Variants in SOX6 observed in about 807,000 individuals in gnomAD.
The protein encoded by SOX6 is transcription factor SOX-6.
SOX6 carries 11 observed loss-of-function variants against 97.8 expected under a neutral mutation model. That is an observed-to-expected ratio of 0.11 (90% CI 0.07 to 0.19). The LOEUF (loss-of-function observed/expected upper bound fraction) is 0.19, where lower values mean the gene tolerates loss of function less well. Among genes scored for constraint, SOX6 ranks in the 10% least tolerant of loss-of-function variants. The probability of loss-of-function intolerance (pLI) is 1.00; values close to 1 mark genes in which losing one functional copy is unlikely to be tolerated. For missense variants in SOX6, 810 were observed against 1,039.5 expected, an observed-to-expected ratio of 0.78 and a Z score of 3.04; for synonymous variants, 360 against 371.4, an observed-to-expected ratio of 0.97 and a Z score of 0.35.
At chr11:16,417,758 C>A (rs1224895739) in intron 1 of SOX6, among the ~76,000 whole-genome samples, 3 of 152,088 alleles carry the variant, frequency 2.0e-5, no homozygotes. Context: ...ATTGCTTAAA[C>A]CTTATGCAGA....
intron 3 of SOX6, among the ~76,000 whole-genome samples, chr11:16,674,860 A>C (rs1403188366): frequency 6.6e-6 from 1 of 152,194 alleles, no homozygotes; most frequent in Non-Finnish European, 1.5e-5. Flanking sequence ...CTGAGGCAGG[A>C]GAACTGCTTG....
chr11:16,474,036 A>G (rs1264432847), intron 1 of SOX6, among the ~76,000 whole-genome samples: 1 of 152,202 alleles, frequency 6.6e-6, no homozygotes, highest in African/African-American at 2.4e-5. Flanking sequence ...GGTAGTTTCC[A>G]ACTCAAGAAA....
At chr11:16,172,290 T>G (rs1851060642) in intron 6 of SOX6, among the ~76,000 whole-genome samples, 1 of 152,082 alleles carries the variant, frequency 6.6e-6, no homozygotes, top group African/African-American at 2.4e-5. Flanking sequence ...TTTCCAAAAA[T>G]TATGATATTT....
At chr11:16,286,296 G>A (rs1367572793) in intron 3 of SOX6, among the ~76,000 whole-genome samples, 1 of 152,072 alleles carries the variant, frequency 6.6e-6, no homozygotes, top group African/African-American at 2.4e-5. Flanking sequence ...ATTGCTTAAA[G>A]AGTCTACTGA....
intron 4 of SOX6, among the ~76,000 whole-genome samples, chr11:16,525,241 G>T (rs1490722661): frequency 6.6e-6 from 1 of 152,130 alleles, no homozygotes; most frequent in South Asian, 2.1e-4. Flanking sequence ...ATACTACAAG[G>T]CTACAGTAAC....
At chr11:16,621,271 C>G (rs1408809872) in intron 3 of SOX6, among the ~76,000 whole-genome samples, 1 of 152,042 alleles carries the variant, frequency 6.6e-6, no homozygotes, top group Non-Finnish European at 1.5e-5. Flanking sequence ...AACTAAAAAT[C>G]CTAAAATGAA....
rs1503441 is a variant in SOX6 at position 16,403,109 on chromosome 11, G to C, written c.-4-61857C>G. Among the ~76,000 whole-genome samples the C allele has an allele frequency of 0.31, 47,003 of 151,252 alleles. 8,277 individuals carry two copies. Among genetic ancestry groups the C allele is most frequent in the Non-Finnish European group, 0.4 (26,721 of 67,556 alleles). On this transcript the variant is annotated intron_variant, in intron 1 of 15. Coordinates refer to the SOX6 transcript ENST00000396356. ...AAGCTCAAAAGCTGGTAGTCTAACTGGCTGCCCTAATTAGCTACGATTTTC... is the reference window on the plus strand; with the variant it reads ...AAGCTCAAAAGCTGGTAGTCTAACTCGCTGCCCTAATTAGCTACGATTTTC...
At chr11:16,091,529 A>G (rs949414541) in intron 9 of SOX6, among the ~76,000 whole-genome samples, 1 of 152,074 alleles carries the variant, frequency 6.6e-6, no homozygotes, top group Non-Finnish European at 1.5e-5. Context: ...ATAGAAATAC[A>G]GCATTCTCAA....
intron 3 of SOX6, chr11:16,311,474 T>A (rs942332385): frequency 1.3e-5 from 2 of 152,140 alleles, no homozygotes; most frequent in Non-Finnish European, 2.9e-5. Flanking sequence ...GCTGGCTACA[T>A]TTATTGAGCA....
chr11:16,388,308 T>A (rs564290038), intron 1 of SOX6, among the ~76,000 whole-genome samples: 1 of 152,276 alleles, frequency 6.6e-6, no homozygotes, highest in East Asian at 1.9e-4. Flanking sequence ...CCTACATTGC[T>A]GGATTTGCTA....
intron 12 of SOX6, among the ~76,000 whole-genome samples, chr11:16,039,695 T>C (rs1290760267): frequency 6.6e-6 from 1 of 152,038 alleles, no homozygotes; most frequent in Non-Finnish European, 1.5e-5. Flanking sequence ...CATTCTTCTA[T>C]TTTTTTACTT....
intron 4 of SOX6, among the ~76,000 whole-genome samples, chr11:16,560,387 A>G (rs533225954): frequency 1.8e-4 from 28 of 152,132 alleles, no homozygotes; most frequent in Admixed American, 1.0e-3. Flanking sequence ...GCCTTGTATT[A>G]CATATAAATA....
chr11:16,411,403 A>G (rs1858815776), intron 1 of SOX6, among the ~76,000 whole-genome samples: 1 of 152,194 alleles, frequency 6.6e-6, no homozygotes, highest in South Asian at 2.1e-4. Flanking sequence ...TATAAATGTG[A>G]GACATATCTA....
intron 4 of SOX6, among the ~76,000 whole-genome samples, chr11:16,211,111 A>C (rs1195379265): frequency 1.3e-5 from 2 of 152,174 alleles, no homozygotes; most frequent in Non-Finnish European, 2.9e-5. Flanking sequence ...AAATAAAAAA[A>C]TTTAAAAAGC....
chr11:16,506,372 T>A (rs1860789268), intron 4 of SOX6, among the ~76,000 whole-genome samples: 1 of 152,220 alleles, frequency 6.6e-6, no homozygotes, highest in Non-Finnish European at 1.5e-5. Context: ...AATTTCTCCC[T>A]TTTGGAAAGG....
At chr11:16,097,326 A>G (rs1281900260) in intron 8 of SOX6, among the ~76,000 whole-genome samples, 1 of 151,892 alleles carries the variant, frequency 6.6e-6, no homozygotes, top group Non-Finnish European at 1.5e-5. Context: ...GAAAAAGCTA[A>G]CATGTATGCA....
intron 15 of SOX6, 74 bp from the exon 16 acceptor site, chr11:15,973,186 C>T: frequency 1.4e-6 from 2 of 1,408,934 alleles, no homozygotes; most frequent in Admixed American, 3.7e-5. Context: ...CATTGGAATT[C>T]ACACCCTACA....
chr11:16,331,802 T>C (rs2134324978), intron 2 of SOX6, among the ~76,000 whole-genome samples: 1 of 152,292 alleles, frequency 6.6e-6, no homozygotes, highest in South Asian at 2.1e-4. Flanking sequence ...ATTAAAAGTC[T>C]AACTGCAATC....
intron 6 of SOX6, among the ~76,000 whole-genome samples, chr11:16,153,547 C>G (rs952706026): frequency 2.0e-5 from 3 of 152,128 alleles, no homozygotes; most frequent in Non-Finnish European, 4.4e-5. Flanking sequence ...CAATAAAAAC[C>G]CATACCACTC....
Sources: allele counts gnomAD v4.1 joint callset (sites outside exome capture counted in the v4.1 genomes callset), GRCh38; gene constraint gnomAD v4.1.1; transcripts MANE v1.5; gene names NCBI Gene and HGNC (gene_info 2026-07-23, HGNC 2026-07-21).